RIGI: variants seen among roughly 807,000 people sequenced by gnomAD.
RIGI encodes RNA sensor RIG-I.
chr9:32,484,950 G>A, the RIGI span, among the ~76,000 whole-genome samples: 1 of 152,074 alleles, frequency 6.6e-6, no homozygotes, highest in South Asian at 2.1e-4. Context: ...TATTTTTCAG[G>A]TGCATGTGTC....
the RIGI span, among the ~76,000 whole-genome samples, chr9:32,523,435 C>T: frequency 8.5e-5 from 13 of 152,126 alleles, no homozygotes; most frequent in Non-Finnish European, 1.8e-4. Flanking sequence ...GAATTTTTCT[C>T]CTCCTCCTGC....
At chr9:32,457,234 A>C in the RIGI span, 1 of 1,614,104 alleles carries the variant, frequency 6.2e-7, no homozygotes, top group Non-Finnish European at 8.5e-7. Flanking sequence ...AAAACTTTCA[A>C]TTTTTATAAC....
the RIGI span, among the ~76,000 whole-genome samples, chr9:32,458,345 G>A: frequency 6.6e-6 from 1 of 152,114 alleles, no homozygotes. Flanking sequence ...AGCCCAAAAG[G>A]AATGTTTGGA....
At chr9:32,487,550 A>G in the RIGI span, 2 of 1,614,194 alleles carry the variant, frequency 1.2e-6, no homozygotes, top group Non-Finnish European at 1.7e-6. Flanking sequence ...CATCAAGAGA[A>G]GCACACAGCT....
At chr9:32,457,241 T>A in the RIGI span, 91 of 1,614,072 alleles carry the variant, frequency 5.6e-5, no homozygotes, top group South Asian at 9.0e-4. Flanking sequence ...TCAATTTTTA[T>A]AACTGGAATC....
the RIGI span, among the ~76,000 whole-genome samples, chr9:32,467,307 T>C: frequency 6.6e-6 from 1 of 152,202 alleles, no homozygotes; most frequent in African/African-American, 2.4e-5. Flanking sequence ...TCGAGCTGTT[T>C]TTCAGGAAAA....
chr9:32,504,069 C>CACACACACACACA, the RIGI span, among the ~76,000 whole-genome samples: 5 of 48,736 alleles, frequency 1.0e-4, no homozygotes, highest in Non-Finnish European at 2.7e-4. Context: ...ACACACACAC[C>CACACACACACACA]CAGGTCTGCC....
chr9:32,510,581 G>C, the RIGI span, among the ~76,000 whole-genome samples: 11 of 152,284 alleles, frequency 7.2e-5, 1 homozygote, highest in African/African-American at 2.6e-4. Flanking sequence ...AAGAGCTCCT[G>C]AAGGAAGCAC....
chr9:32,465,586 CT>C, the RIGI span, among the ~76,000 whole-genome samples: 1 of 152,130 alleles, frequency 6.6e-6, no homozygotes, highest in Non-Finnish European at 1.5e-5. Flanking sequence ...ATTTTCCCCA[CT>C]TTTTACATGA....
the RIGI span, among the ~76,000 whole-genome samples, chr9:32,501,953 A>G: frequency 6.6e-6 from 1 of 152,182 alleles, no homozygotes; most frequent in Non-Finnish European, 1.5e-5. Flanking sequence ...CTGTGAATCC[A>G]TGACTACTAT....
At chr9:32,487,639 A>C in the RIGI span, 1 of 1,611,252 alleles carries the variant, frequency 6.2e-7, no homozygotes, top group South Asian at 1.1e-5. Flanking sequence ...ATGACCTGTA[A>C]GGAGCATTCA....
the RIGI span, among the ~76,000 whole-genome samples, chr9:32,465,046 G>A: frequency 6.6e-6 from 1 of 152,132 alleles, no homozygotes; most frequent in African/African-American, 2.4e-5. Context: ...TCACCTAGGA[G>A]AAGAGATAAA....
At chr9:32,492,400 C>G in the RIGI span, 10 of 1,614,152 alleles carry the variant, frequency 6.2e-6, no homozygotes, top group Non-Finnish European at 8.5e-6. Flanking sequence ...CCTTTCTCTA[C>G]AATCCACAGT....
the RIGI span, among the ~76,000 whole-genome samples, chr9:32,460,233 A>G: frequency 7.2e-5 from 11 of 152,198 alleles, no homozygotes; most frequent in South Asian, 1.0e-3. Flanking sequence ...AAGTCCAATT[A>G]AACCTCTTTG....
the RIGI span, among the ~76,000 whole-genome samples, chr9:32,483,480 T>C: frequency 1.3e-5 from 2 of 151,824 alleles, no homozygotes; most frequent in East Asian, 3.9e-4. Flanking sequence ...AGTAAGAAAA[T>C]AGAAACTCAC....
the RIGI span, among the ~76,000 whole-genome samples, chr9:32,506,824 T>C: frequency 9.2e-5 from 14 of 152,326 alleles, no homozygotes; most frequent in Non-Finnish European, 1.5e-4. Flanking sequence ...TGGCTGTTCT[T>C]TTTGCAATTA....
the RIGI span, among the ~76,000 whole-genome samples, chr9:32,500,113 T>G: frequency 2.0e-4 from 30 of 152,350 alleles, no homozygotes; most frequent in African/African-American, 7.2e-4. Flanking sequence ...TTTCACTGTC[T>G]CAATGCCTGT....
At chr9:32,466,167 T>G in the RIGI span, 12 of 941,770 alleles carry the variant, frequency 1.3e-5, no homozygotes, top group East Asian at 1.0e-4. Flanking sequence ...TAATATTCAC[T>G]AAGTATAAAC....
At chr9:32,498,906 C>T in the RIGI span, among the ~76,000 whole-genome samples, 2 of 149,998 alleles carry the variant, frequency 1.3e-5, no homozygotes, top group African/African-American at 4.9e-5. Flanking sequence ...TAGCTCGAAC[C>T]CGGGAGGCGG....
Sources: allele counts gnomAD v4.1 joint callset (sites outside exome capture counted in the v4.1 genomes callset), GRCh38; gene constraint gnomAD v4.1.1; transcripts MANE v1.5; gene names NCBI Gene and HGNC (gene_info 2026-07-23, HGNC 2026-07-21).